UBE2D1: variants seen among roughly 807,000 people sequenced by gnomAD.
UBE2D1 encodes the protein ubiquitin-conjugating enzyme E2 D1.
Under a neutral mutation model 24.6 loss-of-function variants are expected in UBE2D1, and 9 were observed. That is an observed-to-expected ratio of 0.37 (90% CI 0.22 to 0.64). The LOEUF (loss-of-function observed/expected upper bound fraction) is 0.64, where lower values mean the gene tolerates loss of function less well. Ranked by LOEUF, UBE2D1 falls within the 30% of genes least tolerant of loss-of-function variation. UBE2D1 has a pLI of 0.64. For synonymous variants in UBE2D1, 57 were observed against 57.6 expected, an observed-to-expected ratio of 0.99 and a Z score of 0.04; for missense variants, 87 against 177.1, an observed-to-expected ratio of 0.49 and a Z score of 2.89.
intron 1 of UBE2D1, among the ~76,000 whole-genome samples, chr10:58,346,194 T>C (rs1840014192): frequency 6.6e-6 from 1 of 151,824 alleles, no homozygotes; most frequent in Non-Finnish European, 1.5e-5. Flanking sequence ...TATTTTTTAG[T>C]AGAGACTGGG....
chr10:58,364,713 T>TA lies in UBE2D1; in HGVS notation c.199-58_199-57insA, dbSNP rs1442500918. 12 of 1,341,178 alleles carry TA rather than the reference T, an allele frequency of 8.9e-6. No individual in the cohort carries two copies. In the African/African-American group the frequency reaches 1.6e-4, roughly 18 times the overall value. 83.1% of individuals were successfully genotyped at this position (1,341,178 alleles called of 1,614,324 possible). A position where few individuals can be genotyped will look rare whatever the true frequency, so the allele number is the denominator to read the frequency against. Reference sequence around the variant, plus strand: ...TACCCTAGAGCAAATTGGTTCTGTTTTATTCATAGTTGATTCAAAGGTGAT... The same window carrying TA: ...TACCCTAGAGCAAATTGGTTCTGTTTATATTCATAGTTGATTCAAAGGTGAT... On this transcript the variant is annotated intron_variant, in intron 4 of 6. Coordinates refer to ENST00000373910, the MANE Select transcript of UBE2D1 (RefSeq NM_003338.5).
chr10:58,335,261 G>C, intron 1 of UBE2D1, 36 bp downstream of exon 1: 1 of 1,506,138 alleles, frequency 6.6e-7, no homozygotes, highest in Non-Finnish European at 8.8e-7. Context: ...CTGCGGGGCA[G>C]CGGCCCCCTG....
chr10:58,358,785 C>T (rs548935839), intron 1 of UBE2D1, among the ~76,000 whole-genome samples: 6 of 149,834 alleles, frequency 4.0e-5, no homozygotes, highest in African/African-American at 1.5e-4. Flanking sequence ...TTTTTAAATG[C>T]GGTCTTGCTC....
At chr10:58,361,795 C>CTTTTTTT (rs770860227) in intron 3 of UBE2D1, among the ~76,000 whole-genome samples, 1 of 131,354 alleles carries the variant, frequency 7.6e-6, no homozygotes. Flanking sequence ...GTGTGTTTAT[C>CTTTTTTT]TTTTTTTTTT....
In UBE2D1 at chr10:58,335,212, A is replaced by G; in HGVS notation, c.11A>G (p.Lys4Arg). ...CGCCATCCCTGACCCATGGCGCTGA[A>G]GAGGATTCAGAAAGTGAGTGCCGGG... Reference protein sequence around the residue: MALKRIQKELSDLQ... With the variant: MALRRIQKELSDLQ... Residue 4 changes from lysine to arginine, a missense_variant, in exon 1 of 7, where the codon AAG (lysine) becomes AGG (arginine). Physicochemically the swap from Lys to Arg is conservative, Grantham distance 26. Coordinates refer to ENST00000373910, the MANE Select transcript of UBE2D1 (RefSeq NM_003338.5). 6.5e-7 allele frequency: 1 copy of G among 1,548,122 alleles called. No homozygotes were observed.
In UBE2D1 at chr10:58,335,234, C is replaced by G. The variant is rs1441895052; in HGVS notation, c.24+9C>G. ...TGAAGAGGATTCAGAAAGTGAGTGC[C>G]GGGGCCGGGCCTGGGGCTGCGGGGC... On this transcript the variant is annotated intron_variant, in intron 1 of 6. Coordinates refer to ENST00000373910, the MANE Select transcript of UBE2D1 (RefSeq NM_003338.5). The G allele has an allele frequency of 2.6e-6, 4 of 1,535,508 alleles. No individual in the cohort carries two copies. Among genetic ancestry groups the G allele is most frequent in the Non-Finnish European group, 3.5e-6 (4 of 1,143,058 alleles).
chr10:58,351,277 A>T (rs1018750212), intron 1 of UBE2D1, among the ~76,000 whole-genome samples: 1 of 152,156 alleles, frequency 6.6e-6, no homozygotes. Flanking sequence ...TATAAACTTT[A>T]TTTTTTTAAC....
chr10:58,346,442 C>G (rs1044572326), intron 1 of UBE2D1, among the ~76,000 whole-genome samples: 1 of 151,958 alleles, frequency 6.6e-6, no homozygotes, highest in Non-Finnish European at 1.5e-5. Flanking sequence ...TAGCAGGGAC[C>G]CATTGAAGGT....
chr10:58,335,762 G>T (rs1219584143), intron 1 of UBE2D1, among the ~76,000 whole-genome samples: 6 of 152,240 alleles, frequency 3.9e-5, no homozygotes, highest in African/African-American at 1.2e-4. Flanking sequence ...GAATGGGCTG[G>T]AAAGCCCATT....
chr10:58,344,599 C>T (rs748210929), intron 1 of UBE2D1, among the ~76,000 whole-genome samples: 3 of 151,816 alleles, frequency 2.0e-5, no homozygotes, highest in African/African-American at 4.8e-5. Context: ...ACTTAAAATT[C>T]CATTTACTTT....
intron 1 of UBE2D1, among the ~76,000 whole-genome samples, chr10:58,356,233 A>G (rs1279534194): frequency 6.6e-6 from 1 of 152,194 alleles, no homozygotes; most frequent in East Asian, 1.9e-4. Context: ...GCAACCCAGT[A>G]GTATCTCCCA....
chr10:58,359,013 TAAAAAAAA>T (rs35713196), intron 1 of UBE2D1, among the ~76,000 whole-genome samples: 3 of 115,168 alleles, frequency 2.6e-5, no homozygotes, highest in African/African-American at 1.0e-4. Flanking sequence ...ACCAGCTATT[TAAAAAAAA>T]AAAAAAAAAA....
At chr10:58,367,856 T>C (rs1416336822) in intron 5 of UBE2D1, 67 bp from the exon 6 acceptor site, 18 of 1,072,094 alleles carry the variant, frequency 1.7e-5, no homozygotes, top group Non-Finnish European at 2.5e-5. Context: ...TAAAATTATT[T>C]TCACATATGT....
At chr10:58,363,893 G>A (rs1297757360) in intron 4 of UBE2D1, among the ~76,000 whole-genome samples, 1 of 152,046 alleles carries the variant, frequency 6.6e-6, no homozygotes, top group East Asian at 1.9e-4. Context: ...AAGTCAGTAC[G>A]TGTCATGCTA....
chr10:58,358,317 A>C (rs946630085), intron 1 of UBE2D1, among the ~76,000 whole-genome samples: 1 of 152,202 alleles, frequency 6.6e-6, no homozygotes, highest in African/African-American at 2.4e-5. Context: ...TCCCATTTAC[A>C]CTAATGTTTA....
rs561704058 is a variant in UBE2D1 at position 58,358,959 on chromosome 10, G to A, written c.25-2379G>A. 2.4e-4 allele frequency among the ~76,000 whole-genome samples: 34 copies of A among 142,386 alleles called. No homozygotes were observed. In the South Asian group the frequency reaches 6.6e-3, roughly 28 times the overall value. 93.4% of individuals were successfully genotyped at this position (142,386 alleles called of 152,430 possible). ...CTTAACTGTAACATGGACCAAAGAAGCAGCTAACCCTGTTAGTTAATTCTT... is the reference window on the plus strand; with the variant it reads ...CTTAACTGTAACATGGACCAAAGAAACAGCTAACCCTGTTAGTTAATTCTT... On this transcript the variant is annotated intron_variant, in intron 1 of 6. Transcript: ENST00000373910.
At chr10:58,349,655 A>G (rs1316676077) in intron 1 of UBE2D1, among the ~76,000 whole-genome samples, 1 of 152,132 alleles carries the variant, frequency 6.6e-6, no homozygotes, top group Non-Finnish European at 1.5e-5. Flanking sequence ...AATACATTTT[A>G]AAAGTTACAA....
chr10:58,342,057 A>G (rs1839966589), intron 1 of UBE2D1, among the ~76,000 whole-genome samples: 2 of 152,148 alleles, frequency 1.3e-5, no homozygotes, highest in South Asian at 4.1e-4. Flanking sequence ...GGTCTCTGAG[A>G]AGCTAAGGTT....
chr10:58,346,148 C>T (rs758310400), intron 1 of UBE2D1, among the ~76,000 whole-genome samples: 3 of 151,690 alleles, frequency 2.0e-5, no homozygotes, highest in Non-Finnish European at 2.9e-5. Flanking sequence ...GTAGCTGGGA[C>T]TACAGGCGTG....
Sources: gnomAD v4.1 joint callset for allele counts (sites outside exome capture counted in the v4.1 genomes callset) on GRCh38, gnomAD v4.1.1 for gene constraint, MANE v1.5 for transcripts, NCBI Gene and HGNC (gene_info 2026-07-23, HGNC 2026-07-21) for gene names.